The following CLVS1 variants were observed in gnomAD, a reference collection of about 807,000 sequenced individuals.
The protein encoded by CLVS1 is clavesin-1.
Under a neutral mutation model 33.1 loss-of-function variants are expected in CLVS1, and 10 were observed. That is an observed-to-expected ratio of 0.30 (90% CI 0.19 to 0.51). The LOEUF is 0.51. Among genes scored for constraint, CLVS1 ranks in the 20% least tolerant of loss-of-function variants. CLVS1 has a pLI of 0.97. For missense variants in CLVS1, 343 were observed against 433.4 expected, an observed-to-expected ratio of 0.79 and a Z score of 1.85; for synonymous variants, 163 against 166.1, an observed-to-expected ratio of 0.98 and a Z score of 0.14.
At chr8:61,060,731 T>A (rs1237059538) in intron 1 of CLVS1, among the ~76,000 whole-genome samples, 1 of 152,190 alleles carries the variant, frequency 6.6e-6, no homozygotes, top group Non-Finnish European at 1.5e-5. Flanking sequence ...ATAATTCAAC[T>A]AATTTACTTC....
chr8:61,086,938 G>A (rs772271742), intron 1 of CLVS1, among the ~76,000 whole-genome samples: 9 of 152,176 alleles, frequency 5.9e-5, no homozygotes, highest in South Asian at 2.1e-4. Flanking sequence ...AAGTTGTTGC[G>A]TACTCATGAT....
At chr8:61,032,494 C>A in the CLVS1 span, among the ~76,000 whole-genome samples, 1 of 152,158 alleles carries the variant, frequency 6.6e-6, no homozygotes, top group Non-Finnish European at 1.5e-5. Context: ...TGTAAAGCAG[C>A]CCAGCCCTAA....
intron 2 of CLVS1, among the ~76,000 whole-genome samples, chr8:61,208,464 A>G (rs1284444187): frequency 6.6e-6 from 1 of 152,260 alleles, no homozygotes; most frequent in Non-Finnish European, 1.5e-5. Context: ...AAGCTGAGGT[A>G]GATTTCACAT....
intron 2 of CLVS1, among the ~76,000 whole-genome samples, chr8:61,155,619 T>C (rs908842497): frequency 6.6e-6 from 1 of 152,098 alleles, no homozygotes; most frequent in Admixed American, 6.5e-5. Flanking sequence ...CCCCAAAATA[T>C]ACATCTTTGG....
chr8:61,104,294 A>G (rs769441300), intron 1 of CLVS1, among the ~76,000 whole-genome samples: 1 of 152,224 alleles, frequency 6.6e-6, no homozygotes, highest in Non-Finnish European at 1.5e-5. Context: ...CATTTGGTCA[A>G]CTTCAAAGAC....
At chr8:61,453,738 C>A (rs1425388237) in intron 3 of CLVS1, among the ~76,000 whole-genome samples, 2 of 152,006 alleles carry the variant, frequency 1.3e-5, no homozygotes, top group African/African-American at 4.8e-5. Context: ...AGGGTGGGAG[C>A]GGGAGAGTGG....
intron 2 of CLVS1, among the ~76,000 whole-genome samples, chr8:61,179,843 G>T (rs1310130166): frequency 6.6e-6 from 1 of 152,046 alleles, no homozygotes. Flanking sequence ...ATAAAGCAGG[G>T]TTAAGAGGAA....
At chr8:61,088,016 C>T (rs1805157015) in intron 1 of CLVS1, among the ~76,000 whole-genome samples, 1 of 152,136 alleles carries the variant, frequency 6.6e-6, no homozygotes, top group South Asian at 2.1e-4. Flanking sequence ...TTCTATTATA[C>T]ATATTAGGAT....
chr8:61,139,602 G>A lies in CLVS1; in HGVS notation c.-152+7742G>A, dbSNP rs182646032. On this transcript the variant is annotated intron_variant, in intron 2 of 2. Coordinates refer to the CLVS1 transcript ENST00000522621. Reference sequence around the variant, plus strand: ...CCAGGGCCCGTGCAGAAGGGAGGGCGCAGGCGTATTTCCAGCCTGCTGGGG... The same window carrying A: ...CCAGGGCCCGTGCAGAAGGGAGGGCACAGGCGTATTTCCAGCCTGCTGGGG... Among the ~76,000 whole-genome samples, 542 of 152,186 alleles carry A rather than the reference G, an allele frequency of 3.6e-3. 4 individuals carry two copies. Among genetic ancestry groups the A allele is most frequent in the Non-Finnish European group, 4.6e-3 (310 of 68,012 alleles).
At chr8:61,219,257 G>C (rs371885101) in intron 2 of CLVS1, among the ~76,000 whole-genome samples, 16 of 152,156 alleles carry the variant, frequency 1.1e-4, no homozygotes, top group African/African-American at 3.6e-4. Context: ...TACCATGATA[G>C]TTTGCTGCAC....
chr8:61,354,263 A>G (rs1812593544), intron 2 of CLVS1, among the ~76,000 whole-genome samples: 1 of 152,094 alleles, frequency 6.6e-6, no homozygotes, highest in Admixed American at 6.6e-5. Context: ...GACCACAATG[A>G]GATACACGCC....
At chr8:61,499,358 T>TAAA (rs1804456988) in intron 5 of CLVS1, 97 bp from the exon 6 acceptor site, 1 of 725,424 alleles carries the variant, frequency 1.4e-6, no homozygotes. Context: ...GAGTGTCTAT[T>TAAA]AAAAAGAGAA....
At chr8:61,037,841 A>G in the CLVS1 span, among the ~76,000 whole-genome samples, 4 of 152,174 alleles carry the variant, frequency 2.6e-5, no homozygotes, top group Non-Finnish European at 5.9e-5. Context: ...ATTTATCATT[A>G]TTCATGGCAG....
At chr8:61,486,589 G>A (rs1445066252) in intron 5 of CLVS1, among the ~76,000 whole-genome samples, 7 of 152,226 alleles carry the variant, frequency 4.6e-5, no homozygotes, top group Non-Finnish European at 1.0e-4. Flanking sequence ...ATAATGAAGT[G>A]TAGTGTTGAA....
At chr8:61,044,507 G>A in the CLVS1 span, among the ~76,000 whole-genome samples, 1 of 152,098 alleles carries the variant, frequency 6.6e-6, no homozygotes, top group South Asian at 2.1e-4. Flanking sequence ...ACATGAACAG[G>A]TGGCCCAGAC....
chr8:61,237,422 A>G (rs1808592219), intron 2 of CLVS1, among the ~76,000 whole-genome samples: 1 of 152,192 alleles, frequency 6.6e-6, no homozygotes, highest in African/African-American at 2.4e-5. Context: ...CACCCCAGCC[A>G]AGGTGATAGA....
intron 2 of CLVS1, among the ~76,000 whole-genome samples, chr8:61,203,952 G>A (rs145538101): frequency 6.6e-6 from 1 of 152,298 alleles, no homozygotes; most frequent in East Asian, 1.9e-4. Context: ...ACTGCTAGGT[G>A]GTAGTTACCT....
At chr8:61,325,731 T>C (rs1339616107) in intron 2 of CLVS1, among the ~76,000 whole-genome samples, 5 of 152,280 alleles carry the variant, frequency 3.3e-5, no homozygotes, top group East Asian at 3.9e-4. Flanking sequence ...GATGTTTGTG[T>C]TAGGACCATC....
At chr8:61,394,739 G>GT (rs1814449511) in intron 3 of CLVS1, among the ~76,000 whole-genome samples, 1 of 152,006 alleles carries the variant, frequency 6.6e-6, no homozygotes, top group Non-Finnish European at 1.5e-5. Flanking sequence ...TCTCTTTTTA[G>GT]TTTTTTTGAG....
Sources: allele counts gnomAD v4.1 joint callset (sites outside exome capture counted in the v4.1 genomes callset), GRCh38; gene constraint gnomAD v4.1.1; transcripts MANE v1.5; gene names NCBI Gene and HGNC (gene_info 2026-07-23, HGNC 2026-07-21).